ADGRL3: variants seen among roughly 807,000 people sequenced by gnomAD.
ADGRL3 encodes adhesion G protein-coupled receptor L3.
A neutral mutation model predicts 153.5 loss-of-function variants in ADGRL3; 62 were observed. The ratio of observed to expected loss-of-function variants is 0.40; its 90% CI spans 0.33 to 0.50. The LOEUF is 0.50. Ranked by LOEUF, ADGRL3 falls within the 20% of genes least tolerant of loss-of-function variation. ADGRL3 has a pLI of 0.47. For synonymous variants in ADGRL3, 710 were observed against 672.5 expected (o/e 1.06, Z -0.86); for missense variants, 1,641 against 1,859.4 (o/e 0.88, Z 2.16).
chr4:61,622,007 T>C (rs2149847790), intron 5 of ADGRL3, among the ~76,000 whole-genome samples: 1 of 152,296 alleles, frequency 6.6e-6, no homozygotes, highest in African/African-American at 2.4e-5. Flanking sequence ...ATCAAGAGCC[T>C]GCCTGCATGT....
At chr4:61,371,599 T>A (rs368421552) in intron 1 of ADGRL3, among the ~76,000 whole-genome samples, 11 of 152,190 alleles carry the variant, frequency 7.2e-5, no homozygotes, top group South Asian at 2.1e-4. Context: ...CCAAGAGATC[T>A]GCTGTTAGTC....
intron 9 of ADGRL3, among the ~76,000 whole-genome samples, chr4:61,844,576 A>ATATATG (rs1554045147): frequency 0.057 from 537 of 9,436 alleles, 13 homozygotes; most frequent in Middle Eastern, 0.2. Context: ...AAAAAAAAAA[A>ATATATG]TATATATATA....
At chr4:61,711,489 T>TATATATATATATATAC (rs1216182444) in intron 6 of ADGRL3, among the ~76,000 whole-genome samples, 2 of 107,924 alleles carry the variant, frequency 1.9e-5, no homozygotes, top group South Asian at 3.2e-4. Context: ...TATATATATA[T>TATATATATATATATAC]ATACACACAC....
intron 21 of ADGRL3, among the ~76,000 whole-genome samples, chr4:62,027,056 G>A (rs1001259459): frequency 8.6e-5 from 13 of 151,942 alleles, no homozygotes; most frequent in African/African-American, 2.7e-4. Flanking sequence ...ACGAATTAAG[G>A]TAGAATTATT....
intron 17 of ADGRL3, among the ~76,000 whole-genome samples, chr4:61,948,745 A>G (rs2098935621): frequency 6.6e-6 from 1 of 152,222 alleles, no homozygotes; most frequent in Non-Finnish European, 1.5e-5. Flanking sequence ...ATACCCTAAC[A>G]TAAGGAAATG....
At chr4:61,507,138 T>C (rs1226148840) in intron 3 of ADGRL3, among the ~76,000 whole-genome samples, 1 of 152,170 alleles carries the variant, frequency 6.6e-6, no homozygotes, top group African/African-American at 2.4e-5. Flanking sequence ...TTTCTTCTTT[T>C]TTTTCTCCTT....
At chr4:61,670,913 C>T (rs896377796) in intron 5 of ADGRL3, among the ~76,000 whole-genome samples, 12 of 152,290 alleles carry the variant, frequency 7.9e-5, no homozygotes, top group East Asian at 3.9e-4. Flanking sequence ...AGGATGTCCT[C>T]GGTCCTTGTC....
At chr4:61,965,901 T>C (rs534698165) in intron 17 of ADGRL3, among the ~76,000 whole-genome samples, 1 of 152,220 alleles carries the variant, frequency 6.6e-6, no homozygotes, top group Non-Finnish European at 1.5e-5. Context: ...TATAGTTAGT[T>C]ACTGGCTAAT....
intron 1 of ADGRL3, among the ~76,000 whole-genome samples, chr4:61,274,057 C>T (rs2093340233): frequency 6.6e-6 from 1 of 152,036 alleles, no homozygotes; most frequent in Admixed American, 6.6e-5. Context: ...CCATATACAA[C>T]ATAATAAATG....
At chr4:61,842,861 G>T (rs2149014577) in intron 9 of ADGRL3, among the ~76,000 whole-genome samples, 1 of 152,236 alleles carries the variant, frequency 6.6e-6, no homozygotes, top group South Asian at 2.1e-4. Flanking sequence ...AATGCATATA[G>T]TCTACACTGA....
intron 21 of ADGRL3, among the ~76,000 whole-genome samples, chr4:62,007,114 T>C (rs556093156): frequency 3.5e-4 from 53 of 151,756 alleles, no homozygotes; most frequent in Admixed American, 2.8e-3. Context: ...CTTGGTTGCA[T>C]TGAAAAGCAG....
chr4:61,919,330 G>A (rs1207022453), intron 13 of ADGRL3, among the ~76,000 whole-genome samples: 6 of 152,096 alleles, frequency 3.9e-5, no homozygotes, highest in Non-Finnish European at 7.4e-5. Context: ...AGGTTCTTGT[G>A]GTTTGGTAAC....
At chr4:61,322,398 T>A (rs1024677583) in intron 1 of ADGRL3, among the ~76,000 whole-genome samples, 8 of 151,970 alleles carry the variant, frequency 5.3e-5, no homozygotes, top group Non-Finnish European at 1.2e-4. Context: ...TTTCCAAGAG[T>A]CACCTAAAGT....
At chr4:61,586,947 T>C (rs931959643) in intron 4 of ADGRL3, among the ~76,000 whole-genome samples, 8 of 152,158 alleles carry the variant, frequency 5.3e-5, no homozygotes, top group Admixed American at 2.0e-4. Context: ...TCTGACACAC[T>C]AGGCCAAGAG....
chr4:61,361,738 A>T (rs999372395), intron 1 of ADGRL3, among the ~76,000 whole-genome samples: 8 of 152,152 alleles, frequency 5.3e-5, no homozygotes, highest in African/African-American at 1.9e-4. Context: ...GACTTGAAAG[A>T]AAGAGAATAG....
chr4:62,012,129 A>C (rs2099189459), intron 21 of ADGRL3, among the ~76,000 whole-genome samples: 1 of 152,172 alleles, frequency 6.6e-6, no homozygotes, highest in Non-Finnish European at 1.5e-5. Flanking sequence ...TGGGCCTCCA[A>C]ATTCAAACCA....
At chr4:61,674,921 T>C (rs2095135642) in intron 5 of ADGRL3, among the ~76,000 whole-genome samples, 1 of 152,000 alleles carries the variant, frequency 6.6e-6, no homozygotes, top group Non-Finnish European at 1.5e-5. Context: ...CAGCCACATT[T>C]ACCTTAATGT....
intron 6 of ADGRL3, among the ~76,000 whole-genome samples, chr4:61,680,239 C>A (rs548349958): frequency 6.6e-6 from 1 of 151,878 alleles, no homozygotes; most frequent in Non-Finnish European, 1.5e-5. Context: ...AACAACTGAA[C>A]GAACAGTGTT....
chr4:62,031,417 C>G (rs750394394), intron 22 of ADGRL3, 25 bp from the exon 23 acceptor site: 14 of 1,546,148 alleles, frequency 9.1e-6, no homozygotes, highest in South Asian at 1.2e-5. Context: ...ATTTAATAAC[C>G]CTTAATTTTC....
Sources: gnomAD v4.1 joint callset for allele counts (sites outside exome capture counted in the v4.1 genomes callset) on GRCh38, gnomAD v4.1.1 for gene constraint, MANE v1.5 for transcripts, NCBI Gene and HGNC (gene_info 2026-07-23, HGNC 2026-07-21) for gene names.